The following MAGI1 variants were observed in gnomAD, a reference collection of about 807,000 sequenced individuals.
MAGI1 encodes membrane-associated guanylate kinase, WW and PDZ domain-containing protein 1.
In MAGI1, 58 loss-of-function variants were observed where a neutral mutation model predicts 139.9. That is an observed-to-expected ratio of 0.41 (90% CI 0.34 to 0.52). The LOEUF (loss-of-function observed/expected upper bound fraction) is 0.52, where lower values mean the gene tolerates loss of function less well. MAGI1 is among the 20% of genes least tolerant of loss of function. MAGI1 has a pLI of 0.12. For missense variants in MAGI1, 1,874 were observed against 1,901.6 expected (o/e 0.99, Z 0.27); for synonymous variants, 812 against 737.9 (o/e 1.10, Z -1.63).
intron 2 of MAGI1, among the ~76,000 whole-genome samples, chr3:65,563,400 C>CGGGA (rs2080461566): frequency 1.3e-5 from 2 of 152,130 alleles, no homozygotes; most frequent in Admixed American, 1.3e-4. Flanking sequence ...GTTAGTCTCC[C>CGGGA]TCCCACATGA....
At chr3:65,442,758 T>C (rs1948433047) in intron 8 of MAGI1, 34 bp downstream of exon 8, 1 of 1,537,136 alleles carries the variant, frequency 6.5e-7, no homozygotes, top group Non-Finnish European at 9.0e-7. Flanking sequence ...TAGAGAGGTA[T>C]AAACTAATGT....
At chr3:65,882,670 C>T (rs185690404) in intron 1 of MAGI1, among the ~76,000 whole-genome samples, 4 of 152,150 alleles carry the variant, frequency 2.6e-5, no homozygotes, top group Non-Finnish European at 2.9e-5. Flanking sequence ...CAGTGGCTCA[C>T]ATCTGTAATC....
intron 1 of MAGI1, among the ~76,000 whole-genome samples, chr3:65,693,963 C>T (rs1413431353): frequency 6.6e-6 from 1 of 152,016 alleles, no homozygotes; most frequent in Non-Finnish European, 1.5e-5. Flanking sequence ...TCAGGTGATC[C>T]ACCCACCTCG....
chr3:65,677,659 T>C (rs990459665), intron 1 of MAGI1, among the ~76,000 whole-genome samples: 5 of 152,220 alleles, frequency 3.3e-5, no homozygotes, highest in African/African-American at 9.6e-5. Flanking sequence ...CTCACAGCTT[T>C]CTGCAGTTAG....
At chr3:65,516,062 G>A (rs1027505148) in intron 2 of MAGI1, among the ~76,000 whole-genome samples, 3 of 152,170 alleles carry the variant, frequency 2.0e-5, no homozygotes, top group African/African-American at 7.2e-5. Flanking sequence ...ATAATAAGCT[G>A]GGTGCAGTGG....
intron 2 of MAGI1, among the ~76,000 whole-genome samples, chr3:65,496,867 T>C (rs112303525): frequency 0.032 from 4,934 of 152,284 alleles, 110 homozygotes; most frequent in Middle Eastern, 0.082. Context: ...GCTAGGTCTA[T>C]ATTTTGAAGA....
At chr3:65,703,132 T>C (rs1306501266) in intron 1 of MAGI1, among the ~76,000 whole-genome samples, 1 of 152,148 alleles carries the variant, frequency 6.6e-6, no homozygotes, top group Non-Finnish European at 1.5e-5. Flanking sequence ...TGCGCATCTC[T>C]CTACTGTTTT....
intron 1 of MAGI1, among the ~76,000 whole-genome samples, chr3:65,634,813 G>A (rs903255810): frequency 2.0e-5 from 3 of 152,140 alleles, no homozygotes; most frequent in African/African-American, 4.8e-5. Context: ...GTTACTGAAC[G>A]AATGCTGATA....
chr3:65,863,152 G>A (rs981336276), intron 1 of MAGI1, among the ~76,000 whole-genome samples: 1 of 152,164 alleles, frequency 6.6e-6, no homozygotes. Flanking sequence ...CTTAATAGTT[G>A]ACAAAATTCG....
chr3:65,895,518 T>C (rs1477732844), intron 1 of MAGI1, among the ~76,000 whole-genome samples: 1 of 152,238 alleles, frequency 6.6e-6, no homozygotes, highest in Non-Finnish European at 1.5e-5. Flanking sequence ...ACACTACCTT[T>C]GTCTTCAAAC....
intron 1 of MAGI1, among the ~76,000 whole-genome samples, chr3:65,910,257 A>G (rs952060702): frequency 2.0e-5 from 3 of 152,256 alleles, no homozygotes; most frequent in Non-Finnish European, 4.4e-5. Context: ...GAAGAGTTAC[A>G]GAGTACTTTT....
chr3:65,901,644 C>T (rs768878589), intron 1 of MAGI1, among the ~76,000 whole-genome samples: 6 of 152,260 alleles, frequency 3.9e-5, no homozygotes, highest in African/African-American at 9.6e-5. Context: ...AGCTTCAGAA[C>T]GGTGAAAATC....
intron 4 of MAGI1, among the ~76,000 whole-genome samples, chr3:65,477,785 T>C (rs1023396782): frequency 4.6e-5 from 7 of 150,980 alleles, no homozygotes; most frequent in African/African-American, 1.5e-4. Flanking sequence ...AGTGGTGCAA[T>C]CTCGGCTCAC....
intron 1 of MAGI1, among the ~76,000 whole-genome samples, chr3:65,798,366 C>T (rs2040287874): frequency 6.6e-6 from 1 of 152,036 alleles, no homozygotes; most frequent in South Asian, 2.1e-4. Context: ...AAATGACAAC[C>T]CCTCGCCCAT....
chr3:65,647,628 A>T (rs1018696967), intron 1 of MAGI1, among the ~76,000 whole-genome samples: 5 of 152,228 alleles, frequency 3.3e-5, no homozygotes, highest in Admixed American at 6.5e-5. Flanking sequence ...ATAATCTACA[A>T]TATTAATATG....
intron 2 of MAGI1, among the ~76,000 whole-genome samples, chr3:65,616,239 G>T (rs2083362925): frequency 6.6e-6 from 1 of 152,164 alleles, no homozygotes. Flanking sequence ...CAGGCAAGGG[G>T]TGGGTCAGTA....
At chr3:65,923,059 A>T (rs916787730) in intron 1 of MAGI1, among the ~76,000 whole-genome samples, 1 of 152,164 alleles carries the variant, frequency 6.6e-6, no homozygotes, top group African/African-American at 2.4e-5. Context: ...ATAAAATTTG[A>T]TTATTCCATA....
chr3:65,992,506 C>T (rs1170559200), intron 1 of MAGI1, among the ~76,000 whole-genome samples: 1 of 152,186 alleles, frequency 6.6e-6, no homozygotes, highest in Non-Finnish European at 1.5e-5. Flanking sequence ...GTACCTTTCC[C>T]TTGATTTCCA....
At chr3:65,957,768 G>T (rs142683137) in intron 1 of MAGI1, among the ~76,000 whole-genome samples, 2 of 152,030 alleles carry the variant, frequency 1.3e-5, no homozygotes, top group East Asian at 3.9e-4. Flanking sequence ...TGTTGTTGTT[G>T]TTGTTTTGTT....
Sources: allele counts gnomAD v4.1 joint callset (sites outside exome capture counted in the v4.1 genomes callset), GRCh38; gene constraint gnomAD v4.1.1; transcripts MANE v1.5; gene names NCBI Gene and HGNC (gene_info 2026-07-23, HGNC 2026-07-21).